The following SLC35F4 variants were observed in gnomAD, a reference collection of about 807,000 sequenced individuals.
SLC35F4 encodes chromosome 14 open reading frame 36.
Under a neutral mutation model 44.2 loss-of-function variants are expected in SLC35F4, and 24 were observed. The ratio of observed to expected loss-of-function variants is 0.54; its 90% CI spans 0.39 to 0.76. The LOEUF is 0.76. SLC35F4 is among the 30% of genes least tolerant of loss of function. The probability of loss-of-function intolerance (pLI) is 0.00; values close to 1 mark genes in which losing one functional copy is unlikely to be tolerated. For missense variants in SLC35F4, 562 were observed against 586.1 expected (o/e 0.96, Z 0.42); for synonymous variants, 238 against 223.6 (o/e 1.06, Z -0.57).
At chr14:57,780,955 A>G (rs1260093816) in intron 1 of SLC35F4, among the ~76,000 whole-genome samples, 2 of 152,178 alleles carry the variant, frequency 1.3e-5, no homozygotes, top group Non-Finnish European at 2.9e-5. Flanking sequence ...ACCCAAAACT[A>G]TAAAAACCCT....
chr14:57,982,683 G>A (rs1881415707), upstream of SLC35F4, among the ~76,000 whole-genome samples: 1 of 152,076 alleles, frequency 6.6e-6, no homozygotes, highest in South Asian at 2.1e-4. Flanking sequence ...AAATCTCACA[G>A]CCTGCACTCT....
intron 1 of SLC35F4, among the ~76,000 whole-genome samples, chr14:57,981,431 T>C (rs927511288): frequency 6.6e-6 from 1 of 152,180 alleles, no homozygotes; most frequent in Non-Finnish European, 1.5e-5. Context: ...TAGACTAGTC[T>C]GAGCGTCTTC....
At chr14:57,888,134 A>G (rs1888690543) in intron 1 of SLC35F4, among the ~76,000 whole-genome samples, 1 of 152,220 alleles carries the variant, frequency 6.6e-6, no homozygotes, top group South Asian at 2.1e-4. Context: ...TTTTACACTT[A>G]CTCAAGACAG....
At chr14:57,574,673 C>G (rs1022104289) in intron 4 of SLC35F4, among the ~76,000 whole-genome samples, 11 of 152,070 alleles carry the variant, frequency 7.2e-5, no homozygotes, top group African/African-American at 2.4e-4. Context: ...TATTTCTTAT[C>G]TATACTGTTG....
At chr14:57,729,647 A>G (rs1314653845) in intron 1 of SLC35F4, among the ~76,000 whole-genome samples, 1 of 152,222 alleles carries the variant, frequency 6.6e-6, no homozygotes, top group African/African-American at 2.4e-5. Context: ...ATTCTCCTTA[A>G]GGAGAGCTGC....
At chr14:57,954,645 A>T (rs8009496) in intron 1 of SLC35F4, among the ~76,000 whole-genome samples, 12,175 of 152,184 alleles carry the variant, frequency 0.08, 566 homozygotes, top group African/African-American at 0.11. Context: ...TACTATAAAC[A>T]CCTCCATGCA....
intron 4 of SLC35F4, among the ~76,000 whole-genome samples, chr14:57,574,229 G>T (rs2068664127): frequency 6.6e-6 from 1 of 152,126 alleles, no homozygotes; most frequent in Admixed American, 6.5e-5. Context: ...CCTCAAGATA[G>T]GAATTGAACA....
At chr14:57,912,982 T>C (rs1889247161) in intron 1 of SLC35F4, among the ~76,000 whole-genome samples, 1 of 152,100 alleles carries the variant, frequency 6.6e-6, no homozygotes, top group Non-Finnish European at 1.5e-5. Flanking sequence ...TTGTTATGTC[T>C]TTTTTGAGTA....
intron 1 of SLC35F4, among the ~76,000 whole-genome samples, chr14:57,860,059 A>G (rs1217476552): frequency 1.3e-5 from 2 of 152,178 alleles, no homozygotes; most frequent in African/African-American, 4.8e-5. Context: ...ATGGGATTAA[A>G]TGAGCTCACT....
At chr14:57,743,439 A>G (rs2076671078) in intron 1 of SLC35F4, among the ~76,000 whole-genome samples, 1 of 152,204 alleles carries the variant, frequency 6.6e-6, no homozygotes, top group Admixed American at 6.5e-5. Flanking sequence ...AGGGAATACT[A>G]TAAACACCTC....
At chr14:57,694,087 T>C (rs986125605) in intron 1 of SLC35F4, among the ~76,000 whole-genome samples, 17 of 152,284 alleles carry the variant, frequency 1.1e-4, no homozygotes, top group Middle Eastern at 3.4e-3. Flanking sequence ...ATTTGTAACA[T>C]AGTCAACAGC....
At chr14:57,779,248 A>C (rs1249293989) in intron 1 of SLC35F4, among the ~76,000 whole-genome samples, 1 of 152,124 alleles carries the variant, frequency 6.6e-6, no homozygotes, top group Admixed American at 6.5e-5. Flanking sequence ...AGCTAGACAA[A>C]GAAGAAAAGA....
intron 1 of SLC35F4, among the ~76,000 whole-genome samples, chr14:57,977,449 T>C (rs1459772502): frequency 6.6e-6 from 1 of 152,142 alleles, no homozygotes; most frequent in Non-Finnish European, 1.5e-5. Flanking sequence ...AAGAAACGTT[T>C]GTCTTTTGGA....
chr14:57,955,023 C>G (rs928814793), intron 1 of SLC35F4, among the ~76,000 whole-genome samples: 1 of 149,192 alleles, frequency 6.7e-6, no homozygotes, highest in African/African-American at 2.5e-5. Context: ...CCCTGATGAA[C>G]AGCAACACGA....
At chr14:57,840,520 T>G (rs1345553780) in intron 1 of SLC35F4, among the ~76,000 whole-genome samples, 2 of 152,222 alleles carry the variant, frequency 1.3e-5, no homozygotes, top group Non-Finnish European at 2.9e-5. Context: ...CAAGCTATAC[T>G]TGTGGAAACA....
rs7149902 is a variant in SLC35F4 at position 57,901,027 on chromosome 14, C to T, written n.282+80886G>A. Reference sequence around the variant, plus strand: ...TTAAAAAATCAAAAAACAGCAGATGCTGGTGAGGTTGCAGAGAAAAAGGAG... The same window carrying T: ...TTAAAAAATCAAAAAACAGCAGATGTTGGTGAGGTTGCAGAGAAAAAGGAG... On this transcript the variant is annotated intron_variant and non_coding_transcript_variant, in intron 1 of 1. Transcript: ENST00000556568. 0.023 allele frequency among the ~76,000 whole-genome samples: 3,522 copies of T among 152,234 alleles called. 429 individuals are homozygous for T. In the East Asian group the frequency reaches 0.39, roughly 17 times the overall value.
chr14:57,927,882 T>C (rs932367673), intron 1 of SLC35F4, among the ~76,000 whole-genome samples: 9 of 152,198 alleles, frequency 5.9e-5, no homozygotes, highest in African/African-American at 2.2e-4. Context: ...TTTTTCCTAC[T>C]ATGCCTCATG....
intron 1 of SLC35F4, among the ~76,000 whole-genome samples, chr14:57,620,710 T>A (rs1212168005): frequency 6.6e-6 from 1 of 152,150 alleles, no homozygotes; most frequent in African/African-American, 2.4e-5. Context: ...AATACCTAAT[T>A]TATTGAGAGT....
Position 57,564,027 on chromosome 14 carries a change from A to T in SLC35F4, c.*108T>A, listed in dbSNP as rs2068082912. On this transcript the variant is annotated 3_prime_UTR_variant, in exon 8 of 8. Transcript: ENST00000556826. Reference sequence around the variant, plus strand: ...TATTGTTGGCATTATTTCACATATGATTTATCCAAATTCAGAGTTAATACT... The same window carrying T: ...TATTGTTGGCATTATTTCACATATGTTTTATCCAAATTCAGAGTTAATACT... 1 of 1,245,142 alleles carries T rather than the reference A, an allele frequency of 8.0e-7. No individual in the cohort carries two copies. Among genetic ancestry groups the T allele is most frequent in the Non-Finnish European group, 1.1e-6 (1 of 905,342 alleles). The allele number at this position is 1,245,142 out of a possible 1,614,324, so 77.1% of individuals were successfully genotyped here.
Sources: allele counts gnomAD v4.1 joint callset (sites outside exome capture counted in the v4.1 genomes callset), GRCh38; gene constraint gnomAD v4.1.1; transcripts MANE v1.5; gene names NCBI Gene and HGNC (gene_info 2026-07-23, HGNC 2026-07-21).